The following MLLT10 variants were observed in gnomAD, a reference collection of about 807,000 sequenced individuals.
MLLT10 encodes protein AF-10.
In MLLT10, 30 loss-of-function variants were observed where a neutral mutation model predicts 129.1. That is an observed-to-expected ratio of 0.23 (90% CI 0.17 to 0.32). The LOEUF (loss-of-function observed/expected upper bound fraction) is 0.32, where lower values mean the gene tolerates loss of function less well. Ranked by LOEUF, MLLT10 falls within the 10% of genes least tolerant of loss-of-function variation. The probability of loss-of-function intolerance (pLI) is 1.00; values close to 1 mark genes in which losing one functional copy is unlikely to be tolerated. For missense variants in MLLT10, 1,119 were observed against 1,268.3 expected (o/e 0.88, Z 1.79); for synonymous variants, 490 against 446.4 (o/e 1.10, Z -1.23).
intron 13 of MLLT10, among the ~76,000 whole-genome samples, chr10:21,694,069 A>T (rs1156301875): frequency 6.6e-6 from 1 of 152,234 alleles, no homozygotes; most frequent in African/African-American, 2.4e-5. Context: ...TCTCAAACTC[A>T]TGGAAAAATT....
intron 3 of MLLT10, among the ~76,000 whole-genome samples, chr10:21,546,072 AAAATT>A (rs1164843933): frequency 6.6e-6 from 1 of 152,186 alleles, no homozygotes; most frequent in East Asian, 1.9e-4. Context: ...AGAATTTTTA[AAAATT>A]AAATTTAATT....
At chr10:21,570,235 T>TGTGC (rs1554797062) in intron 3 of MLLT10, among the ~76,000 whole-genome samples, 47 of 149,028 alleles carry the variant, frequency 3.2e-4, no homozygotes, top group African/African-American at 9.4e-4. Context: ...TGTGTGTGTG[T>TGTGC]GCGCGCGTGT....
intron 8 of MLLT10, among the ~76,000 whole-genome samples, chr10:21,631,667 A>G (rs2047025733): frequency 6.6e-6 from 1 of 152,148 alleles, no homozygotes; most frequent in Admixed American, 6.5e-5. Context: ...CAGGAGAGAG[A>G]AAATGAAGAG....
intron 8 of MLLT10, among the ~76,000 whole-genome samples, chr10:21,642,339 C>T (rs1025881399): frequency 9.6e-5 from 14 of 145,462 alleles, no homozygotes; most frequent in Middle Eastern, 4.5e-3. Context: ...GCAACAAGAG[C>T]GAAACTCCGT....
chr10:21,674,585 C>A (rs900976954), intron 11 of MLLT10, among the ~76,000 whole-genome samples: 2 of 152,072 alleles, frequency 1.3e-5, no homozygotes, highest in Non-Finnish European at 2.9e-5. Flanking sequence ...CTGTAACTTG[C>A]AATTTGTATT....
At chr10:21,680,168 G>A (rs2052590064) in intron 11 of MLLT10, among the ~76,000 whole-genome samples, 1 of 151,648 alleles carries the variant, frequency 6.6e-6, no homozygotes. Flanking sequence ...AAAGAGTAAG[G>A]GTAATAATGT....
chr10:21,579,004 A>G (rs540603183), intron 3 of MLLT10, among the ~76,000 whole-genome samples: 3 of 152,280 alleles, frequency 2.0e-5, no homozygotes, highest in African/African-American at 7.2e-5. Flanking sequence ...ATTTGTCTTA[A>G]TTCTGAAGAA....
intron 8 of MLLT10, chr10:21,625,240 G>A (rs149405800): frequency 4.1e-5 from 57 of 1,378,556 alleles, no homozygotes; most frequent in Non-Finnish European, 5.9e-5. Flanking sequence ...CTGGTGCCTT[G>A]GCTAAGACTA....
At chr10:21,682,537 TTTCTAG>T (rs1458305922) in intron 13 of MLLT10, among the ~76,000 whole-genome samples, 1 of 152,248 alleles carries the variant, frequency 6.6e-6, no homozygotes, top group African/African-American at 2.4e-5. Context: ...ACAAATGGTT[TTTCTAG>T]TTCTTTTGAG....
At chr10:21,566,080 G>C (rs2039519877) in intron 3 of MLLT10, among the ~76,000 whole-genome samples, 1 of 150,120 alleles carries the variant, frequency 6.7e-6, no homozygotes, top group African/African-American at 2.5e-5. Flanking sequence ...AGCCTCCAGA[G>C]TAGCTATTAC....
intron 2 of MLLT10, among the ~76,000 whole-genome samples, chr10:21,538,081 G>T (rs1351912185): frequency 6.6e-6 from 1 of 151,232 alleles, no homozygotes; most frequent in Non-Finnish European, 1.5e-5. Flanking sequence ...GCTCACTGCA[G>T]CCTTGACTTC....
chr10:21,552,901 C>G (rs1010148341), intron 3 of MLLT10, among the ~76,000 whole-genome samples: 22 of 151,822 alleles, frequency 1.4e-4, no homozygotes, highest in African/African-American at 5.3e-4. Flanking sequence ...TTTTACTTTC[C>G]CTTGTCTTTC....
At chr10:21,535,044 C>T (rs1201767556) in intron 2 of MLLT10, among the ~76,000 whole-genome samples, 1 of 146,872 alleles carries the variant, frequency 6.8e-6, no homozygotes, top group African/African-American at 2.5e-5. Context: ...CCGCCTGCGC[C>T]TGGGGCCGGG....
intron 2 of MLLT10, 64 bp downstream of exon 2, chr10:21,534,868 C>G: frequency 8.6e-7 from 1 of 1,162,738 alleles, no homozygotes; most frequent in Non-Finnish European, 1.1e-6. Context: ...CCGCCCCCAC[C>G]TGGGCCGCAA....
At chr10:21,636,310 A>T (rs1389447408) in intron 8 of MLLT10, among the ~76,000 whole-genome samples, 1 of 151,944 alleles carries the variant, frequency 6.6e-6, no homozygotes, top group African/African-American at 2.4e-5. Flanking sequence ...TTTTGTAGAG[A>T]TGGAGTCTCC....
chr10:21,567,094 C>T (rs1588981099), intron 3 of MLLT10, among the ~76,000 whole-genome samples: 1 of 151,960 alleles, frequency 6.6e-6, no homozygotes, highest in Non-Finnish European at 1.5e-5. Flanking sequence ...ATTACAGGCG[C>T]GAGCCACCGA....
intron 5 of MLLT10, among the ~76,000 whole-genome samples, chr10:21,607,121 A>G (rs1388581238): frequency 1.3e-5 from 2 of 152,128 alleles, no homozygotes; most frequent in African/African-American, 4.8e-5. Context: ...TGCCACAACC[A>G]CCACCTCAGT....
At position 21,743,567 on chromosome 10, in the gene MLLT10, T is replaced by C. The variant is rs1833923729; in HGVS notation, c.*1584T>C. On this transcript the variant is annotated 3_prime_UTR_variant, in exon 23 of 23. Transcript: ENST00000307729. ...AATGTGTTGTTATTTTACCTAGATG[T>C]AAAATTCCACATGTATTAAAATGTA... 5.6e-6 allele frequency: 1 copy of C among 177,522 alleles called. No homozygotes were observed. Among genetic ancestry groups the C allele is most frequent in the East Asian group, 9.6e-5 (1 of 10,378 alleles). 11.0% of individuals were successfully genotyped at this position (177,522 alleles called of 1,614,324 possible).
intron 3 of MLLT10, among the ~76,000 whole-genome samples, chr10:21,553,430 A>G (rs1441244568): frequency 6.7e-6 from 1 of 149,580 alleles, no homozygotes; most frequent in East Asian, 2.0e-4. Context: ...GGTTCAAGAG[A>G]TTTTCCTTCC....
Sources: gnomAD v4.1 joint callset for allele counts (sites outside exome capture counted in the v4.1 genomes callset) on GRCh38, gnomAD v4.1.1 for gene constraint, MANE v1.5 for transcripts, NCBI Gene and HGNC (gene_info 2026-07-23, HGNC 2026-07-21) for gene names.